Variants in SLC12A6 observed in about 807,000 individuals in gnomAD.
SLC12A6 encodes solute carrier family 12 member 6, also known as K-Cl cotransporter 3.
Under a neutral mutation model 135.3 loss-of-function variants are expected in SLC12A6, and 66 were observed. The observed-to-expected ratio is 0.49, with a 90% CI of 0.40 to 0.60. SLC12A6 has a LOEUF of 0.60. Ranked by LOEUF, SLC12A6 falls within the 20% of genes least tolerant of loss-of-function variation. The pLI, the probability that SLC12A6 is intolerant of heterozygous loss-of-function variation, is 0.00. For synonymous variants in SLC12A6, 513 were observed against 508.8 expected (o/e 1.01, Z -0.11); for missense variants, 1,058 against 1,452.3 (o/e 0.73, Z 4.41).
At chr15:34,290,076 T>C (rs978871797) in intron 2 of SLC12A6, among the ~76,000 whole-genome samples, 3 of 152,228 alleles carry the variant, frequency 2.0e-5, no homozygotes, top group African/African-American at 7.2e-5. Context: ...TGTTAGGGTG[T>C]TGATTTTAGA....
At chr15:34,330,058 CTTAATA>C (rs903525091) in intron 2 of SLC12A6, among the ~76,000 whole-genome samples, 4 of 152,096 alleles carry the variant, frequency 2.6e-5, no homozygotes, top group African/African-American at 7.2e-5. Context: ...TTAACAATTC[CTTAATA>C]TTAATATCAT....
At chr15:34,252,943 G>A (rs1257564836) in intron 9 of SLC12A6, among the ~76,000 whole-genome samples, 1 of 152,176 alleles carries the variant, frequency 6.6e-6, no homozygotes, top group East Asian at 1.9e-4. Flanking sequence ...AAGGAAAACA[G>A]CTTGGTCAGA....
chr15:34,255,468 GA>G (rs1205142608), intron 7 of SLC12A6, 76 bp from the exon 8 acceptor site: 6 of 1,059,926 alleles, frequency 5.7e-6, no homozygotes, highest in Non-Finnish European at 7.2e-6. Flanking sequence ...ACAGAAATAA[GA>G]AAAAATATAT....
rs1485231774 is a variant in SLC12A6, at chr15:34,231,513, C to T, written c.*2368G>A. The T allele has an allele frequency of 1.3e-5, 2 of 152,090 alleles. No individual in the cohort carries two copies. The highest frequency in any genetic ancestry group is 1.9e-4 in the East Asian group (1 of 5,182). The allele number at this position is 152,090 out of a possible 1,614,324, so 9.4% of individuals were successfully genotyped here. ...AAAAAAAGACTTAAGATCCTATCCGCTTTGCCATCCTCAGTGGGCCTGGAG... is the reference window on the plus strand; with the variant it reads ...AAAAAAAGACTTAAGATCCTATCCGTTTTGCCATCCTCAGTGGGCCTGGAG... On this transcript the variant is annotated 3_prime_UTR_variant, in exon 26 of 26. Coordinates refer to ENST00000354181, the MANE Select transcript of SLC12A6 (RefSeq NM_001365088.1).
chr15:34,291,442 A>G (rs1214326466), intron 2 of SLC12A6, among the ~76,000 whole-genome samples: 4 of 152,188 alleles, frequency 2.6e-5, no homozygotes, highest in Admixed American at 2.0e-4. Context: ...ACCTTGGTGA[A>G]TCTGACAATT....
rs1193103967 is a variant in SLC12A6, at chr15:34,233,861, G to A, written c.*20C>T. 1 of 1,375,606 alleles carries A rather than the reference G, an allele frequency of 7.3e-7. No homozygotes were observed. The highest frequency in any genetic ancestry group is 2.3e-5 in the East Asian group (1 of 43,834). 85.2% of individuals were successfully genotyped at this position (1,375,606 alleles called of 1,614,324 possible). ...TAGGCCTTTTAAGAAAACAGGTCAA[G>A]CACGGTCATTCAGAGTAGGTTATGA... is the stretch of plus-strand genomic sequence containing the variant. On this transcript the variant is annotated 3_prime_UTR_variant, in exon 26 of 26. Coordinates refer to ENST00000354181, the MANE Select transcript of SLC12A6 (RefSeq NM_001365088.1).
chr15:34,295,614 C>T (rs548445653), intron 2 of SLC12A6, among the ~76,000 whole-genome samples: 10 of 152,086 alleles, frequency 6.6e-5, no homozygotes, highest in Middle Eastern at 3.2e-3. Context: ...TGATTTATAA[C>T]GATACAGTCA....
intron 2 of SLC12A6, among the ~76,000 whole-genome samples, chr15:34,313,744 A>T (rs747117206): frequency 6.6e-6 from 1 of 152,176 alleles, no homozygotes; most frequent in Non-Finnish European, 1.5e-5. Flanking sequence ...GTTAGGGGCT[A>T]ATGCAGCTGG....
Position 34,315,544 on chromosome 15 carries a change from T to C in SLC12A6, c.271+20866A>G, listed in dbSNP as rs1306709149. On this transcript the variant is annotated intron_variant, in intron 2 of 25. Coordinates refer to ENST00000354181, the MANE Select transcript of SLC12A6 (RefSeq NM_001365088.1). ...GAGTTTGAGTCCAGCCTGAGTAACA[T>C]AGCAAAATCCTGTCTTTAAAAAAAA... Among the ~76,000 whole-genome samples, 5 of 152,172 alleles carry C rather than the reference T, an allele frequency of 3.3e-5. No individual in the cohort carries two copies. The South Asian group carries it at 6.2e-4, about 19-fold the overall frequency.
intron 2 of SLC12A6, among the ~76,000 whole-genome samples, chr15:34,319,423 G>C (rs1254682771): frequency 6.6e-6 from 1 of 151,972 alleles, no homozygotes; most frequent in Non-Finnish European, 1.5e-5. Context: ...ATTAACAGGC[G>C]TGAGCCACCG....
rs1888638426 is a variant in SLC12A6, at chr15:34,316,217, A to T, written c.271+20193T>A. On this transcript the variant is annotated intron_variant, in intron 2 of 25. Transcript: ENST00000354181. ...CTCTCCATATAAATTCAGAAGAAAAAACAATGAAAAATGCTACTGGTTATA... is the reference window on the plus strand; with the variant it reads ...CTCTCCATATAAATTCAGAAGAAAATACAATGAAAAATGCTACTGGTTATA... Among the ~76,000 whole-genome samples the T allele has an allele frequency of 2.6e-5, 4 of 152,196 alleles. No homozygotes were observed. In the South Asian group the frequency reaches 8.3e-4, roughly 31 times the overall value.
chr15:34,328,067 G>A (rs1411903336), intron 2 of SLC12A6, among the ~76,000 whole-genome samples: 1 of 151,820 alleles, frequency 6.6e-6, no homozygotes, highest in Non-Finnish European at 1.5e-5. Context: ...CTAGAAAACT[G>A]GAGACTGAAA....
intron 2 of SLC12A6, among the ~76,000 whole-genome samples, chr15:34,300,255 T>A (rs766605426): frequency 1.3e-5 from 2 of 151,954 alleles, no homozygotes; most frequent in Non-Finnish European, 2.9e-5. Context: ...ATATTAGAAA[T>A]AAAGAAATAC....
At chr15:34,266,766 GTTA>G (rs945751225) in intron 3 of SLC12A6, among the ~76,000 whole-genome samples, 1 of 152,110 alleles carries the variant, frequency 6.6e-6, no homozygotes, top group South Asian at 2.1e-4. Flanking sequence ...CTATTGTTTA[GTTA>G]TTATTATTAT....
At chr15:34,305,565 T>C (rs1288495694) in intron 2 of SLC12A6, among the ~76,000 whole-genome samples, 4 of 152,020 alleles carry the variant, frequency 2.6e-5, no homozygotes, top group African/African-American at 2.4e-5. Context: ...TAGCAGTGAA[T>C]ACAAGACAAA....
rs1595432063 is a variant in SLC12A6, at chr15:34,251,044, A to G, written c.1347T>C (p.Ser449=). The change falls in exon 11 of 26, where the codon AGT becomes AGC. Residue 449 remains serine (S), a synonymous_variant. Coordinates refer to ENST00000354181, the MANE Select transcript of SLC12A6 (RefSeq NM_001365088.1). ...ASGIITENLW[S]NYLPKGEIIE... is the part of the protein sequence containing the mutation. Reference sequence around the variant, plus strand: ...TGATCTCTCCCTTGGGTAGGTAATTACTCCAAAGATTCTCTGCAGTGGGAA... The same window carrying G: ...TGATCTCTCCCTTGGGTAGGTAATTGCTCCAAAGATTCTCTGCAGTGGGAA... 4 of 1,608,780 alleles carry G rather than the reference A, an allele frequency of 2.5e-6. No individual in the cohort carries two copies. Among genetic ancestry groups the G allele is most frequent in the Middle Eastern group, 1.6e-4 (1 of 6,080 alleles).
chr15:34,236,594 G>A (rs1339518646), intron 23 of SLC12A6, 114 bp downstream of exon 23: 49 of 753,186 alleles, frequency 6.5e-5, no homozygotes, highest in Non-Finnish European at 1.0e-4. Context: ...CACCCGCCTC[G>A]GCCTCCAAAA....
At position 34,307,188 on chromosome 15, in the gene SLC12A6, C is replaced by T. The variant is rs191675777; in HGVS notation, c.271+29222G>A. 3.2e-3 allele frequency among the ~76,000 whole-genome samples: 492 copies of T among 152,188 alleles called. 2 individuals are homozygous for T. The highest frequency in any genetic ancestry group is 5.7e-3 in the Non-Finnish European group (389 of 68,014). Reference sequence around the variant, plus strand: ...CAACTGCACCTCGATAAAAAAATACCGATGGGGAAAAACATTTGGAATTTA... The same window carrying T: ...CAACTGCACCTCGATAAAAAAATACTGATGGGGAAAAACATTTGGAATTTA... On this transcript the variant is annotated intron_variant, in intron 2 of 25. Transcript: ENST00000354181.
chr15:34,310,015 TTTTGAGACAGGGTCTCACTTTCTCAC>T (rs983404585), intron 2 of SLC12A6, among the ~76,000 whole-genome samples: 5 of 152,072 alleles, frequency 3.3e-5, no homozygotes, highest in Non-Finnish European at 5.9e-5. Context: ...CTTTTTTTTT[TTTTGAGACAGGGTCTCACTTTCTCAC>T]TTTGTTGCCC....
Sources: allele counts gnomAD v4.1 joint callset (sites outside exome capture counted in the v4.1 genomes callset), GRCh38; gene constraint gnomAD v4.1.1; transcripts MANE v1.5; gene names NCBI Gene and HGNC (gene_info 2026-07-23, HGNC 2026-07-21).